ELAVL1: variants seen among roughly 807,000 people sequenced by gnomAD.
The protein encoded by ELAVL1 is ELAV like RNA binding protein 1, also known as ELAV-like protein 1.
Under a neutral mutation model 28.4 loss-of-function variants are expected in ELAVL1, and 1 was observed. The ratio of observed to expected loss-of-function variants is 0.04; its 90% CI spans 0.01 to 0.17. ELAVL1 has a LOEUF of 0.17. Ranked by LOEUF, ELAVL1 falls within the 10% of genes least tolerant of loss-of-function variation. The pLI, the probability that ELAVL1 is intolerant of heterozygous loss-of-function variation, is 1.00. For missense variants in ELAVL1, 157 were observed against 447.2 expected, an observed-to-expected ratio of 0.35 and a Z score of 5.85; for synonymous variants, 174 against 183.5, an observed-to-expected ratio of 0.95 and a Z score of 0.42.
At chr19:7,969,966 GTTTT>G (rs995400349) in intron 4 of ELAVL1, among the ~76,000 whole-genome samples, 33 of 151,754 alleles carry the variant, frequency 2.2e-4, no homozygotes, top group Non-Finnish European at 2.2e-4. Context: ...TTCCCCTAGT[GTTTT>G]TTATTTTTAA....
intron 1 of ELAVL1, among the ~76,000 whole-genome samples, chr19:7,992,248 T>TA (rs555719619): frequency 2.5e-3 from 383 of 152,216 alleles, no homozygotes; most frequent in African/African-American, 8.8e-3. Context: ...GCCCTGCACT[T>TA]AGAGATTCTT....
chr19:7,972,564 A>G (rs1985143639), intron 4 of ELAVL1, among the ~76,000 whole-genome samples: 1 of 152,150 alleles, frequency 6.6e-6, no homozygotes, highest in Non-Finnish European at 1.5e-5. Flanking sequence ...CCATCAGACT[A>G]CTGCACCCCA....
At chr19:7,998,944 AT>A (rs1209589968) in intron 1 of ELAVL1, among the ~76,000 whole-genome samples, 1 of 152,004 alleles carries the variant, frequency 6.6e-6, no homozygotes, top group East Asian at 1.9e-4. Context: ...TACCTGGCTG[AT>A]TTTTAAATTT....
At chr19:7,971,023 G>C (rs1010390747) in intron 4 of ELAVL1, among the ~76,000 whole-genome samples, 1 of 152,166 alleles carries the variant, frequency 6.6e-6, no homozygotes. Context: ...AGCAGAGCCG[G>C]GAGACCCTCC....
At chr19:7,995,088 T>C (rs1040387326) in intron 1 of ELAVL1, among the ~76,000 whole-genome samples, 1 of 152,326 alleles carries the variant, frequency 6.6e-6, no homozygotes, top group African/African-American at 2.4e-5. Context: ...TCGGGACCTA[T>C]AGACTTTAAT....
chr19:8,002,717 G>A (rs1452062915), intron 1 of ELAVL1, among the ~76,000 whole-genome samples: 1 of 152,234 alleles, frequency 6.6e-6, no homozygotes, highest in Non-Finnish European at 1.5e-5. Flanking sequence ...CGGCCAGTGA[G>A]CTCTGGGCTG....
intron 1 of ELAVL1, among the ~76,000 whole-genome samples, chr19:7,995,407 T>C (rs375914613): frequency 1.4e-4 from 21 of 152,324 alleles, no homozygotes; most frequent in African/African-American, 4.8e-4. Flanking sequence ...ACAATGGCTG[T>C]CCCAGGCTTA....
At chr19:7,995,038 G>A (rs989314443) in intron 1 of ELAVL1, among the ~76,000 whole-genome samples, 2 of 152,152 alleles carry the variant, frequency 1.3e-5, no homozygotes, top group Non-Finnish European at 2.9e-5. Flanking sequence ...CTAAATATTC[G>A]TTAATGGGAA....
At chr19:7,978,942 A>G (rs1219956127) in intron 3 of ELAVL1, among the ~76,000 whole-genome samples, 1 of 152,172 alleles carries the variant, frequency 6.6e-6, no homozygotes, top group South Asian at 2.1e-4. Context: ...CCCTTATCAC[A>G]CTGCACAGAT....
intron 1 of ELAVL1, among the ~76,000 whole-genome samples, chr19:8,003,381 GAAA>G (rs71165249): frequency 4.5e-5 from 4 of 88,750 alleles, no homozygotes; most frequent in South Asian, 3.9e-4. Context: ...AAAAGAAAAA[GAAA>G]AAAAAAAAAA....
At chr19:7,989,429 C>A (rs147969623) in intron 2 of ELAVL1, among the ~76,000 whole-genome samples, 2 of 152,332 alleles carry the variant, frequency 1.3e-5, no homozygotes, top group Non-Finnish European at 2.9e-5. Context: ...ACTTTTGCAG[C>A]CTTCACTGAT....
chr19:7,963,569 C>A lies in ELAVL1; in HGVS notation c.895G>T (p.Ala299Ser), dbSNP rs894992560. 3.1e-6 allele frequency: 5 copies of A among 1,614,262 alleles called. No individual in the cohort carries two copies. Among genetic ancestry groups the A allele is most frequent in the Non-Finnish European group, 3.4e-6 (4 of 1,180,048 alleles). The change falls in exon 6 of 6, where the codon GCG becomes TCG. Residue 299 changes from alanine to serine, a missense_variant. Transcript: ENST00000407627. This position sits in a 1 kb window ranked among gnomAD's most constrained non-coding sequence, Gnocchi z 4.5. ...FVTMTNYEEA[A>S]MAIASLNGYR... The stretch of plus-strand genomic sequence containing the variant: ...CCGTTCAGGCTGGCTATGGCCATCG[C>A]GGCTTCTTCATAGTTTGTCATGGTC...
rs60370458 is a variant in ELAVL1 at position 7,980,524 on chromosome 19, ACTATGGCC to A, written c.276+551_276+558del. 4.7e-3 allele frequency among the ~76,000 whole-genome samples: 717 copies of A among 152,276 alleles called. 6 individuals carry two copies. Among genetic ancestry groups the A allele is most frequent in the East Asian group, 0.025 (128 of 5,178 alleles). ...GACCTGCAACTCATCCCAGGAAGCC[ACTATGGCC>A]CTGCTGGAGGTGCTGCCCCTGGGCT... On this transcript the variant is annotated intron_variant, in intron 3 of 5. Coordinates refer to ENST00000407627, the MANE Select transcript of ELAVL1 (RefSeq NM_001419.3).
chr19:7,973,354 CCGAGTAGCTGGGACTA>C (rs1985175442), intron 4 of ELAVL1: 1 of 354,802 alleles, frequency 2.8e-6, no homozygotes, highest in Middle Eastern at 7.3e-4. Flanking sequence ...TCTCAGCCTC[CCGAGTAGCTGGGACTA>C]CAGGCGCCCG....
intron 2 of ELAVL1, 37 bp downstream of exon 2, chr19:7,991,607 C>T: frequency 1.3e-6 from 2 of 1,587,676 alleles, no homozygotes; most frequent in Non-Finnish European, 1.7e-6. Flanking sequence ...GGATGGCCAC[C>T]AATACCCGGT....
At chr19:8,002,262 C>A (rs1032644565) in intron 1 of ELAVL1, 9 of 512,204 alleles carry the variant, frequency 1.8e-5, no homozygotes, top group Non-Finnish European at 3.0e-5. Flanking sequence ...CTCCCCACCG[C>A]TACTGCCTCC....
At position 7,981,135 on chromosome 19, in the gene ELAVL1, T is replaced by G; in HGVS notation, c.224A>C (p.Glu75Ala). The change falls in exon 3 of 6, where the codon GAG becomes GCG. Residue 75 changes from glutamate (E) to alanine (A), a missense_variant. This residue lies in a region of ELAVL1 where 28 missense variants were observed against 89.7 expected (regional missense o/e 0.31). Transcript: ENST00000407627. This position sits in a 1 kb window ranked among gnomAD's most constrained non-coding sequence, Gnocchi z 4.2. ...FVNYVTAKDA[E>A]RAINTLNGLR... ...GCCGTTCAGCGTGTTGATCGCTCTC[T>G]CTGCATCCTTCGCGGTCACGTAGTT... 6.2e-7 allele frequency: 1 copy of G among 1,614,142 alleles called. No homozygotes were observed. Among genetic ancestry groups the G allele is most frequent in the Non-Finnish European group, 8.5e-7 (1 of 1,180,026 alleles).
chr19:7,965,825 C>T (rs144526364), intron 5 of ELAVL1, among the ~76,000 whole-genome samples: 27 of 152,302 alleles, frequency 1.8e-4, no homozygotes, highest in African/African-American at 6.5e-4. Flanking sequence ...AGAGCAGGAC[C>T]GACTGTATGA....
chr19:7,996,143 T>C (rs1453351965), intron 1 of ELAVL1, among the ~76,000 whole-genome samples: 2 of 152,020 alleles, frequency 1.3e-5, no homozygotes, highest in Admixed American at 1.3e-4. Context: ...CTCAAAGTAT[T>C]AGAATTATAG....
Sources: allele counts gnomAD v4.1 joint callset (sites outside exome capture counted in the v4.1 genomes callset), GRCh38; gene constraint gnomAD v4.1.1; regional missense constraint gnomAD v4.1.1; non-coding constraint Gnocchi (gnomAD v3.1); transcripts MANE v1.5; gene names NCBI Gene and HGNC (gene_info 2026-07-23, HGNC 2026-07-21).